ITK: variants seen among roughly 807,000 people sequenced by gnomAD.
The protein encoded by ITK is tyrosine-protein kinase ITK/TSK.
A neutral mutation model predicts 87.6 loss-of-function variants in ITK; 45 were observed. The ratio of observed to expected loss-of-function variants is 0.51; its 90% CI spans 0.40 to 0.66. The LOEUF is 0.66. Among genes scored for constraint, ITK ranks in the 30% least tolerant of loss-of-function variants. ITK has a pLI of 0.00. For synonymous variants in ITK, 303 were observed against 273.6 expected (o/e 1.11, Z -1.06); for missense variants, 605 against 766.3 (o/e 0.79, Z 2.48).
intron 4 of ITK, among the ~76,000 whole-genome samples, chr5:157,216,920 C>A (rs1307248562): frequency 6.6e-6 from 1 of 152,122 alleles, no homozygotes; most frequent in Non-Finnish European, 1.5e-5. Context: ...CTCTCCTCTA[C>A]CACATCCCTG....
intron 7 of ITK, 103 bp downstream of exon 7, chr5:157,228,464 T>C (rs1173713617): frequency 6.8e-6 from 5 of 738,912 alleles, no homozygotes; most frequent in South Asian, 5.8e-5. Context: ...TGATCCCTAC[T>C]GCAACAGCAA....
chr5:157,245,870 T>C lies in ITK; in HGVS notation c.1515-11T>C, dbSNP rs781720619. On this transcript the variant is annotated splice_polypyrimidine_tract_variant and intron_variant, in intron 14 of 16. Coordinates refer to ENST00000422843, the MANE Select transcript of ITK (RefSeq NM_005546.4). ...GAACATTCTGACCTTCTCCCTCCACTCTCTTCCCAGGTTCGTTCTGGATGA... is the reference window on the plus strand; with the variant it reads ...GAACATTCTGACCTTCTCCCTCCACCCTCTTCCCAGGTTCGTTCTGGATGA... The C allele has an allele frequency of 2.5e-6, 4 of 1,612,628 alleles. No homozygotes were observed. Among genetic ancestry groups the C allele is most frequent in the Non-Finnish European group, 2.5e-6 (3 of 1,178,606 alleles).
intron 2 of ITK, 58 bp downstream of exon 2, chr5:157,209,051 C>A: frequency 2.6e-6 from 3 of 1,172,226 alleles, no homozygotes; most frequent in South Asian, 2.5e-5. Context: ...AATCTTCAGT[C>A]ACAGCCGGGT....
At chr5:157,188,144 G>A (rs1753683186) in intron 1 of ITK, among the ~76,000 whole-genome samples, 1 of 152,070 alleles carries the variant, frequency 6.6e-6, no homozygotes, top group Admixed American at 6.6e-5. Flanking sequence ...TTTTACTTGT[G>A]ACATTGAGCA....
At chr5:157,198,153 C>G (rs1753888152) in intron 1 of ITK, among the ~76,000 whole-genome samples, 3 of 151,608 alleles carry the variant, frequency 2.0e-5, no homozygotes. Flanking sequence ...AAAGAAAGCT[C>G]TCTTCACACT....
intron 11 of ITK, among the ~76,000 whole-genome samples, 176 bp downstream of exon 11, chr5:157,241,896 A>C (rs532184503): frequency 1.3e-5 from 2 of 152,346 alleles, no homozygotes; most frequent in East Asian, 3.9e-4. Context: ...TAAGAGAAGT[A>C]CATATACAAG....
At chr5:157,192,840 G>A (rs7704313) in intron 1 of ITK, among the ~76,000 whole-genome samples, 2,661 of 152,244 alleles carry the variant, frequency 0.017, 73 homozygotes, top group African/African-American at 0.061. Flanking sequence ...AAAAGACAAA[G>A]CCAGTTTAGA....
At chr5:157,218,176 A>C (rs951316406) in intron 5 of ITK, among the ~76,000 whole-genome samples, 14 of 152,090 alleles carry the variant, frequency 9.2e-5, no homozygotes, top group Non-Finnish European at 1.5e-4. Flanking sequence ...GTGGCCATTC[A>C]CCTGACCACT....
intron 11 of ITK, 73 bp from the exon 12 acceptor site, chr5:157,243,550 A>G: frequency 1.6e-6 from 2 of 1,261,232 alleles, no homozygotes; most frequent in Non-Finnish European, 2.3e-6. Context: ...TTAGGGCTTT[A>G]TAGTCCCCTG....
At chr5:157,215,100 C>G (rs1754272519) in intron 4 of ITK, among the ~76,000 whole-genome samples, 1 of 152,142 alleles carries the variant, frequency 6.6e-6, no homozygotes, top group Non-Finnish European at 1.5e-5. Flanking sequence ...TCCTCTCAAC[C>G]ATCTGGGGTA....
In ITK at chr5:157,207,377, C is replaced by CTTTTTTTTTTTTTTTTTTTTTTTTTTT. The variant is rs536290068; in HGVS notation, c.139-1511_139-1485dup. Among the ~76,000 whole-genome samples the CTTTTTTTTTTTTTTTTTTTTTTTTTTT allele has an allele frequency of 3.4e-5, 2 of 59,126 alleles. 1 individual carries two copies. Among genetic ancestry groups the CTTTTTTTTTTTTTTTTTTTTTTTTTTT allele is most frequent in the African/African-American group, 1.3e-4 (2 of 15,764 alleles). The allele number at this position is 59,126 out of a possible 152,430, so 38.8% of individuals were successfully genotyped here. On this transcript the variant is annotated intron_variant, in intron 1 of 16. Coordinates refer to ENST00000422843, the MANE Select transcript of ITK (RefSeq NM_005546.4). ...CTTTATCACGTATCTAGATACGTCT[C>CTTTTTTTTTTTTTTTTTTTTTTTTTTT]TTTTTTTTTTTTTTTTTTTTTTTTT...
intron 15 of ITK, among the ~76,000 whole-genome samples, chr5:157,247,691 G>GA (rs1399267944): frequency 2.6e-5 from 4 of 152,262 alleles, no homozygotes; most frequent in African/African-American, 7.2e-5. Context: ...AAAAAAGTGT[G>GA]AAAAAACTGG....
intron 5 of ITK, 149 bp from the exon 6 acceptor site, chr5:157,222,714 T>C (rs1754444117): frequency 2.7e-6 from 2 of 729,740 alleles, no homozygotes; most frequent in Non-Finnish European, 2.4e-6. Context: ...AGCACTGATG[T>C]CTTTGTGTCA....
chr5:157,181,466 AAC>A, intron 1 of ITK, among the ~76,000 whole-genome samples: 1 of 152,206 alleles, frequency 6.6e-6, no homozygotes, highest in African/African-American at 2.4e-5. Context: ...AATTTAATGA[AAC>A]ATACTAAATT....
At chr5:157,251,499 T>C in intron 16 of ITK, among the ~76,000 whole-genome samples, 1 of 152,248 alleles carries the variant, frequency 6.6e-6, no homozygotes. Flanking sequence ...TTTTCAAATA[T>C]TTTAACAAAG....
At chr5:157,251,488 C>T (rs1173195311) in intron 16 of ITK, among the ~76,000 whole-genome samples, 3 of 152,200 alleles carry the variant, frequency 2.0e-5, no homozygotes, top group African/African-American at 7.2e-5. Context: ...ACAGAGAAGA[C>T]TTTTCAAATA....
chr5:157,239,246 A>C (rs1283305898), intron 9 of ITK, among the ~76,000 whole-genome samples: 4 of 152,240 alleles, frequency 2.6e-5, no homozygotes, highest in African/African-American at 9.6e-5. Flanking sequence ...GATACAAAGC[A>C]AAATCAGCAA....
At chr5:157,183,991 G>A (rs34624140) in intron 1 of ITK, among the ~76,000 whole-genome samples, 1,691 of 152,206 alleles carry the variant, frequency 0.011, 19 homozygotes, top group African/African-American at 0.026. Context: ...TCTGGTGTTC[G>A]ATGCCTGTTT....
intron 2 of ITK, 132 bp downstream of exon 2, chr5:157,209,125 G>C: frequency 4.2e-6 from 3 of 713,688 alleles, no homozygotes; most frequent in Non-Finnish European, 5.2e-6. Context: ...CACGAGGTCA[G>C]GAGTTCAAGA....
Sources: allele counts gnomAD v4.1 joint callset (sites outside exome capture counted in the v4.1 genomes callset), GRCh38; gene constraint gnomAD v4.1.1; transcripts MANE v1.5; gene names NCBI Gene and HGNC (gene_info 2026-07-23, HGNC 2026-07-21).